The following SNTG2 variants were observed in gnomAD, a reference collection of about 807,000 sequenced individuals.
The protein encoded by SNTG2 is syntrophin gamma 2.
SNTG2 carries 74 observed loss-of-function variants against 70.9 expected under a neutral mutation model. The observed-to-expected ratio is 1.04, with a 90% confidence interval of 0.86 to 1.27. The LOEUF (loss-of-function observed/expected upper bound fraction) is 1.27, where lower values mean the gene tolerates loss of function less well. Among genes scored for constraint, SNTG2 ranks in the 50% most tolerant of loss-of-function variants. The pLI, the probability that SNTG2 is intolerant of heterozygous loss-of-function variation, is 0.00. For missense variants in SNTG2, 717 were observed against 690.7 expected (o/e 1.04, Z -0.43); for synonymous variants, 278 against 273.8 (o/e 1.02, Z -0.15).
rs546455161 is a variant in SNTG2, at chr2:1,171,240, C to T, written c.500-1852C>T. Among the ~76,000 whole-genome samples, 14 of 152,242 alleles carry T rather than the reference C, an allele frequency of 9.2e-5. No individual in the cohort carries two copies. The South Asian group carries it at 1.5e-3, about 16-fold the overall frequency. ...TATGGATGACAAGATACCTATTCAT[C>T]AGAAATAAATTTATAGAAATTTAGA... is the stretch of plus-strand genomic sequence containing the variant. On this transcript the variant is annotated intron_variant, in intron 7 of 16. Coordinates refer to ENST00000308624, the MANE Select transcript of SNTG2 (RefSeq NM_018968.4).
chr2:1,241,432 G>C (rs1358226725), intron 11 of SNTG2, among the ~76,000 whole-genome samples: 1 of 152,172 alleles, frequency 6.6e-6, no homozygotes, highest in Non-Finnish European at 1.5e-5. Flanking sequence ...CCTCATGTTG[G>C]AAAGAGCACT....
At chr2:1,217,044 C>G (rs183484278) in intron 9 of SNTG2, among the ~76,000 whole-genome samples, 180 of 152,128 alleles carry the variant, frequency 1.2e-3, no homozygotes, top group African/African-American at 4.1e-3. Flanking sequence ...CACCATGTGC[C>G]GACATCACCC....
At chr2:1,101,877 A>G (rs913776777) in intron 4 of SNTG2, among the ~76,000 whole-genome samples, 1 of 152,236 alleles carries the variant, frequency 6.6e-6, no homozygotes, top group African/African-American at 2.4e-5. Flanking sequence ...TTCTCCAGGG[A>G]CACCAGAGCA....
At chr2:1,355,999 G>A (rs1249191032) in intron 16 of SNTG2, among the ~76,000 whole-genome samples, 2 of 152,176 alleles carry the variant, frequency 1.3e-5, no homozygotes. Flanking sequence ...TTAGAGAAAT[G>A]TCTATTCAAG....
chr2:1,005,849 AT>A (rs1558306191), intron 1 of SNTG2, among the ~76,000 whole-genome samples: 3 of 22,750 alleles, frequency 1.3e-4, no homozygotes, highest in Non-Finnish European at 2.8e-4. Flanking sequence ...ATATATATAT[AT>A]ATATATATAT....
intron 4 of SNTG2, among the ~76,000 whole-genome samples, chr2:1,114,273 T>TA (rs1666762997): frequency 6.6e-6 from 1 of 151,824 alleles, no homozygotes. Context: ...GGATCGTGTG[T>TA]ACTAAGTGAG....
chr2:1,078,686 C>G (rs116642383), intron 1 of SNTG2, among the ~76,000 whole-genome samples: 1,892 of 152,222 alleles, frequency 0.012, 43 homozygotes, highest in African/African-American at 0.043. Flanking sequence ...TTTAACAGGG[C>G]CGCCCAGCTG....
chr2:1,161,885 T>G (rs564383475), intron 6 of SNTG2, among the ~76,000 whole-genome samples: 6 of 151,990 alleles, frequency 3.9e-5, no homozygotes, highest in Admixed American at 2.6e-4. Context: ...CCATCCTGGC[T>G]AACACGGTGA....
chr2:1,316,099 G>A (rs535612561), intron 15 of SNTG2, among the ~76,000 whole-genome samples, 166 bp from the exon 16 acceptor site: 3 of 152,248 alleles, frequency 2.0e-5, no homozygotes, highest in Non-Finnish European at 2.9e-5. Context: ...TGCAAAGATT[G>A]AAGAATGAGA....
chr2:1,110,066 C>T (rs1186268670), intron 4 of SNTG2, among the ~76,000 whole-genome samples: 3 of 152,044 alleles, frequency 2.0e-5, no homozygotes, highest in Non-Finnish European at 2.9e-5. Context: ...CACAGAACGA[C>T]GATTTCTATA....
chr2:994,702 A>G (rs1400475426), intron 1 of SNTG2, among the ~76,000 whole-genome samples: 2 of 151,856 alleles, frequency 1.3e-5, no homozygotes, highest in Non-Finnish European at 2.9e-5. Context: ...CTGTCTTTCT[A>G]TTTATTTAGT....
chr2:1,083,973 G>C (rs138747673), intron 2 of SNTG2, among the ~76,000 whole-genome samples: 2,725 of 151,806 alleles, frequency 0.018, 78 homozygotes, highest in African/African-American at 0.062. Flanking sequence ...TCCAGGAGGC[G>C]GAGGTTTCAG....
Position 1,333,947 on chromosome 2 carries a change from C to A in SNTG2, c.1488+17572C>A, listed in dbSNP as rs139264058. ...AAAAGCAAAAACAAATAGATGAGAC[C>A]TAATTAAACTAAAAAGCTCCTGCAC... On this transcript the variant is annotated intron_variant, in intron 16 of 16. Coordinates refer to ENST00000308624, the MANE Select transcript of SNTG2 (RefSeq NM_018968.4). 2.7e-4 allele frequency among the ~76,000 whole-genome samples: 41 copies of A among 152,226 alleles called. 1 individual carries two copies. The highest frequency in any genetic ancestry group is 3.4e-3 in the Middle Eastern group (1 of 294).
At chr2:1,199,998 A>G (rs1363605943) in intron 8 of SNTG2, among the ~76,000 whole-genome samples, 2 of 152,070 alleles carry the variant, frequency 1.3e-5, no homozygotes, top group Non-Finnish European at 2.9e-5. Context: ...AATTCTTTAC[A>G]GAAATAGAAG....
At chr2:1,285,276 CT>C (rs1326665798) in intron 14 of SNTG2, among the ~76,000 whole-genome samples, 1 of 152,160 alleles carries the variant, frequency 6.6e-6, no homozygotes, top group African/African-American at 2.4e-5. Flanking sequence ...TGTTAATCTC[CT>C]TTGCCAACAC....
At position 1,181,071 on chromosome 2, in the gene SNTG2, G is replaced by T. The variant is rs537677258; in HGVS notation, c.591+7888G>T. ...ATCAAACTCTGGGGACTGTAGTGGG[G>T]TGGGGGAAGGGGAGAGGGATAGCAT... On this transcript the variant is annotated intron_variant, in intron 8 of 16. Transcript: ENST00000308624. Among the ~76,000 whole-genome samples, 14 of 152,216 alleles carry T rather than the reference G, an allele frequency of 9.2e-5. No individual in the cohort carries two copies. The East Asian group carries it at 2.7e-3, about 29-fold the overall frequency.
chr2:986,543 G>A (rs1661331204), intron 1 of SNTG2, among the ~76,000 whole-genome samples: 1 of 152,204 alleles, frequency 6.6e-6, no homozygotes, highest in South Asian at 2.1e-4. Context: ...AGACACATTT[G>A]GAACCTTCTG....
rs575355764 is a variant in SNTG2, at chr2:964,699, G to A, written c.72+13631G>A. Reference sequence around the variant, plus strand: ...TGGAAGTGCAGGGTCCTCGAGACACGGGGAGCTCTGGGGTGAGGCTGTTCC... The same window carrying A: ...TGGAAGTGCAGGGTCCTCGAGACACAGGGAGCTCTGGGGTGAGGCTGTTCC... On this transcript the variant is annotated intron_variant, in intron 1 of 16. Transcript: ENST00000308624. Among the ~76,000 whole-genome samples the A allele has an allele frequency of 9.9e-5, 15 of 152,246 alleles. No individual in the cohort carries two copies. In the South Asian group the frequency reaches 1.7e-3, roughly 17 times the overall value.
At chr2:1,356,757 G>A (rs11211663) in intron 16 of SNTG2, among the ~76,000 whole-genome samples, 109,394 of 151,702 alleles carry the variant, frequency 0.72, 39,719 homozygotes, top group East Asian at 0.94. Flanking sequence ...ATCACTTTGG[G>A]TAGTATACAC....
Sources: gnomAD v4.1 joint callset for allele counts (sites outside exome capture counted in the v4.1 genomes callset) on GRCh38, gnomAD v4.1.1 for gene constraint, MANE v1.5 for transcripts, NCBI Gene and HGNC (gene_info 2026-07-23, HGNC 2026-07-21) for gene names.